Variants in CLPB observed in about 807,000 individuals in gnomAD.
The protein encoded by CLPB is mitochondrial disaggregase.
Under a neutral mutation model 78.4 loss-of-function variants are expected in CLPB, and 40 were observed. That is an observed-to-expected ratio of 0.51 (90% CI 0.40 to 0.66). CLPB has a LOEUF of 0.66. CLPB is among the 30% of genes least tolerant of loss of function. The pLI, the probability that CLPB is intolerant of heterozygous loss-of-function variation, is 0.00. For missense variants in CLPB, 780 were observed against 886.9 expected (o/e 0.88, Z 1.53); for synonymous variants, 333 against 348.0 (o/e 0.96, Z 0.48).
rs1333170859 is a variant in CLPB at position 72,292,035 on chromosome 11, T to G, written c.*1332A>C. On this transcript the variant is annotated 3_prime_UTR_variant, in exon 16 of 16. Coordinates refer to ENST00000538039, the MANE Select transcript of CLPB (RefSeq NM_001258392.3). ...TCCAGCTTGGGGGACAGAGTGAGAC[T>G]CTGTCTCAAAAAAAAAAAAAAAAAA... The G allele has an allele frequency of 8.5e-6, 1 of 118,112 alleles. No individual in the cohort carries two copies. Among genetic ancestry groups the G allele is most frequent in the Non-Finnish European group, 1.6e-5 (1 of 61,000 alleles). 7.3% of individuals were successfully genotyped at this position (118,112 alleles called of 1,614,324 possible).
At position 72,295,665 on chromosome 11, in the gene CLPB, G is replaced by A. The variant is rs571687447; in HGVS notation, c.1330-17C>T. ...CAGCCGGCCCTGGGAAGGGAAGGAA[G>A]GGAGTGTACAGTCAGGGAGCTATGT... On this transcript the variant is annotated splice_polypyrimidine_tract_variant and intron_variant, in intron 11 of 15. Coordinates refer to ENST00000538039, the MANE Select transcript of CLPB (RefSeq NM_001258392.3). The A allele has an allele frequency of 2.3e-5, 37 of 1,613,368 alleles. No homozygotes were observed. The highest frequency in any genetic ancestry group is 3.1e-5 in the Non-Finnish European group (37 of 1,179,708).
intron 5 of CLPB, among the ~76,000 whole-genome samples, chr11:72,350,261 A>G (rs1950590853): frequency 7.1e-6 from 1 of 140,656 alleles, no homozygotes; most frequent in African/African-American, 3.1e-5. Context: ...TCCACTCCCC[A>G]AAATTGGACT....
chr11:72,431,107 C>T (rs1173831806), intron 1 of CLPB, among the ~76,000 whole-genome samples: 1 of 152,250 alleles, frequency 6.6e-6, no homozygotes, highest in African/African-American at 2.4e-5. Context: ...AGGAGAAAAG[C>T]AACGCTAGCT....
At chr11:72,425,527 C>A (rs1856348702) in intron 2 of CLPB, among the ~76,000 whole-genome samples, 1 of 152,082 alleles carries the variant, frequency 6.6e-6, no homozygotes, top group African/African-American at 2.4e-5. Context: ...GGCACACGAG[C>A]TCCTCTAGGG....
chr11:72,359,013 G>C lies in CLPB; in HGVS notation c.647-5C>G, dbSNP rs1413606087. The C allele has an allele frequency of 6.2e-7, 1 of 1,613,482 alleles. No individual in the cohort carries two copies. Among genetic ancestry groups the C allele is most frequent in the Admixed American group, 1.7e-5 (1 of 59,954 alleles). ...CATCCTCTCGGGTGATCAGGACTGG[G>C]GAGACAGCAACACAAACCCTTCCAT... On this transcript the variant is annotated splice_polypyrimidine_tract_variant and splice_region_variant and intron_variant, in intron 4 of 15. Coordinates refer to ENST00000538039, the MANE Select transcript of CLPB (RefSeq NM_001258392.3).
chr11:72,420,796 T>A (rs1183092221), intron 2 of CLPB, among the ~76,000 whole-genome samples: 1 of 152,150 alleles, frequency 6.6e-6, no homozygotes, highest in African/African-American at 2.4e-5. Context: ...TCTCCAGAAG[T>A]TTCTGGTAAA....
intron 3 of CLPB, among the ~76,000 whole-genome samples, chr11:72,398,845 T>A (rs1452120105): frequency 6.6e-6 from 1 of 152,206 alleles, no homozygotes; most frequent in Admixed American, 6.5e-5. Context: ...AGGATTGTCC[T>A]AGTAGAATGT....
At chr11:72,420,622 G>A (rs1856166632) in intron 2 of CLPB, among the ~76,000 whole-genome samples, 1 of 152,214 alleles carries the variant, frequency 6.6e-6, no homozygotes, top group African/African-American at 2.4e-5. Flanking sequence ...GGGAGAGAAG[G>A]AAACAGATAA....
At chr11:72,339,372 G>A (rs942451433) in intron 5 of CLPB, among the ~76,000 whole-genome samples, 4 of 152,130 alleles carry the variant, frequency 2.6e-5, no homozygotes, top group Admixed American at 2.0e-4. Context: ...TATTTCAAGG[G>A]CCATCATGTT....
rs1195376316 is a variant in CLPB, at chr11:72,304,433, A to G, written c.1123-2085T>C. ...TTTGAACCCAAGCAGCTGGACTCAG[A>G]TAGTTGTTCTTTATCCCTTATCATA... On this transcript the variant is annotated intron_variant, in intron 9 of 15. Transcript: ENST00000538039. Among the ~76,000 whole-genome samples, 7 of 152,200 alleles carry G rather than the reference A, an allele frequency of 4.6e-5. No individual in the cohort carries two copies. The South Asian group carries it at 1.4e-3, about 32-fold the overall frequency.
At chr11:72,294,724 C>T in intron 12 of CLPB, 31 bp from the exon 13 acceptor site, 2 of 1,587,082 alleles carry the variant, frequency 1.3e-6, no homozygotes, top group Non-Finnish European at 1.7e-6. Flanking sequence ...CTGCTTATTC[C>T]CCACATTCAG....
chr11:72,425,929 T>C (rs1280011218), intron 2 of CLPB, among the ~76,000 whole-genome samples: 2 of 152,106 alleles, frequency 1.3e-5, no homozygotes, highest in African/African-American at 2.4e-5. Flanking sequence ...GCCCCTGTAG[T>C]TTCCTGTCTC....
chr11:72,320,386 T>C (rs1950023547), intron 6 of CLPB, among the ~76,000 whole-genome samples: 1 of 152,186 alleles, frequency 6.6e-6, no homozygotes, highest in Admixed American at 6.5e-5. Context: ...AAAGGACTCC[T>C]TGACTTCTAT....
Position 72,297,937 on chromosome 11 carries a change from T to C in CLPB, c.1330-2289A>G, listed in dbSNP as rs143559276. ...CCCAAAGGGTGACTTTCAGTGCTCATGTCTCCTCCTCAGTTTCCTTAGCAA... is the reference window on the plus strand; with the variant it reads ...CCCAAAGGGTGACTTTCAGTGCTCACGTCTCCTCCTCAGTTTCCTTAGCAA... On this transcript the variant is annotated intron_variant, in intron 11 of 15. Coordinates refer to ENST00000538039, the MANE Select transcript of CLPB (RefSeq NM_001258392.3). 8.1e-4 allele frequency among the ~76,000 whole-genome samples: 123 copies of C among 152,292 alleles called. 1 individual carries two copies. Among genetic ancestry groups the C allele is most frequent in the African/African-American group, 2.8e-3 (116 of 41,560 alleles).
intron 2 of CLPB, among the ~76,000 whole-genome samples, chr11:72,412,531 G>A (rs1855908590): frequency 6.6e-6 from 1 of 152,080 alleles, no homozygotes; most frequent in Admixed American, 6.6e-5. Context: ...ACACAGATAG[G>A]GAGGCTCAGA....
chr11:72,430,525 A>C, intron 1 of CLPB, 162 bp from the exon 2 acceptor site: 1 of 611,516 alleles, frequency 1.6e-6, no homozygotes, highest in East Asian at 2.9e-5. Context: ...TTCCCTCCCC[A>C]CATGGTGTCC....
chr11:72,329,127 G>A (rs1455275857), intron 6 of CLPB, among the ~76,000 whole-genome samples: 3 of 152,194 alleles, frequency 2.0e-5, no homozygotes, highest in African/African-American at 7.2e-5. Flanking sequence ...CAGCTCTGTG[G>A]CTGGGAGAGG....
At chr11:72,426,807 ACTT>A (rs928773011) in intron 2 of CLPB, among the ~76,000 whole-genome samples, 1 of 152,170 alleles carries the variant, frequency 6.6e-6, no homozygotes, top group African/African-American at 2.4e-5. Flanking sequence ...TAGCCCACAG[ACTT>A]CTTCATATAA....
chr11:72,328,630 C>T (rs1950169537), intron 6 of CLPB, among the ~76,000 whole-genome samples: 2 of 152,168 alleles, frequency 1.3e-5, no homozygotes, highest in African/African-American at 4.8e-5. Context: ...ACTGAATCAT[C>T]TCAAGGTACT....
Sources: gnomAD v4.1 joint callset for allele counts (sites outside exome capture counted in the v4.1 genomes callset) on GRCh38, gnomAD v4.1.1 for gene constraint, MANE v1.5 for transcripts, NCBI Gene and HGNC (gene_info 2026-07-23, HGNC 2026-07-21) for gene names.